The following DLG2 variants were observed in gnomAD, a reference collection of about 807,000 sequenced individuals.
The protein encoded by DLG2 is disks large homolog 2.
A neutral mutation model predicts 132.5 loss-of-function variants in DLG2; 45 were observed. That is an observed-to-expected ratio of 0.34 (90% CI 0.27 to 0.44). The LOEUF (loss-of-function observed/expected upper bound fraction) is 0.44. Among genes scored for constraint, DLG2 ranks in the 20% least tolerant of loss-of-function variants. The pLI is 1.00. For missense variants in DLG2, 1,045 were observed against 1,196.9 expected, an observed-to-expected ratio of 0.87 and a Z score of 1.87; for synonymous variants, 424 against 419.6, an observed-to-expected ratio of 1.01 and a Z score of -0.13.
intron 6 of DLG2, among the ~76,000 whole-genome samples, chr11:84,819,132 C>A (rs1166925202): frequency 7.2e-6 from 1 of 139,330 alleles, no homozygotes; most frequent in Non-Finnish European, 1.6e-5. Context: ...TTACAACAAT[C>A]TAGTAAAGGT....
intron 11 of DLG2, among the ~76,000 whole-genome samples, chr11:84,002,103 T>C (rs1341912213): frequency 6.6e-6 from 1 of 151,988 alleles, no homozygotes. Flanking sequence ...TAAAGAACAA[T>C]ATAAGGGTCA....
At chr11:85,058,271 TA>T (rs1196406251) in intron 6 of DLG2, among the ~76,000 whole-genome samples, 1 of 151,300 alleles carries the variant, frequency 6.6e-6, no homozygotes, top group Non-Finnish European at 1.5e-5. Flanking sequence ...AATTGAAAAA[TA>T]AAATTTAAAA....
At chr11:83,490,586 TA>T (rs1327220371) in intron 21 of DLG2, among the ~76,000 whole-genome samples, 1 of 151,882 alleles carries the variant, frequency 6.6e-6, no homozygotes, top group Non-Finnish European at 1.5e-5. Flanking sequence ...ATTTAATTAT[TA>T]AAAAGAGGGG....
At chr11:84,786,951 T>A (rs775440040) in intron 6 of DLG2, among the ~76,000 whole-genome samples, 6 of 152,146 alleles carry the variant, frequency 3.9e-5, no homozygotes, top group Non-Finnish European at 7.4e-5. Flanking sequence ...TGAAGAGTAA[T>A]GGCTTTGGTG....
chr11:84,409,124 T>G (rs1172374599), intron 7 of DLG2, among the ~76,000 whole-genome samples: 1 of 152,200 alleles, frequency 6.6e-6, no homozygotes, highest in African/African-American at 2.4e-5. Flanking sequence ...TTCCTTGCAC[T>G]TCCCCCCAAG....
At chr11:84,451,125 C>T (rs1014421164) in intron 7 of DLG2, among the ~76,000 whole-genome samples, 9 of 151,776 alleles carry the variant, frequency 5.9e-5, no homozygotes, top group Non-Finnish European at 1.2e-4. Flanking sequence ...GCCCAGGGGA[C>T]TTCAAGTTAT....
At chr11:85,596,487 G>A (rs1468293729) in intron 3 of DLG2, among the ~76,000 whole-genome samples, 3 of 152,180 alleles carry the variant, frequency 2.0e-5, no homozygotes, top group African/African-American at 7.2e-5. Flanking sequence ...ATGTTCTGCA[G>A]TAATGGTATT....
chr11:83,799,591 G>A (rs1296137807), intron 17 of DLG2, among the ~76,000 whole-genome samples: 1 of 152,172 alleles, frequency 6.6e-6, no homozygotes, highest in East Asian at 1.9e-4. Flanking sequence ...ACTTCTGGAA[G>A]CCAAACAGAG....
intron 3 of DLG2, among the ~76,000 whole-genome samples, chr11:85,486,004 A>G (rs543566526): frequency 5.9e-5 from 9 of 152,344 alleles, no homozygotes; most frequent in Non-Finnish European, 1.2e-4. Context: ...GGCTACTGTG[A>G]AACCAAAGAA....
chr11:85,154,305 G>A (rs965597325), intron 5 of DLG2, among the ~76,000 whole-genome samples: 3 of 152,138 alleles, frequency 2.0e-5, no homozygotes, highest in African/African-American at 7.2e-5. Flanking sequence ...AAATGACTGT[G>A]TGATAACCAG....
At chr11:84,313,103 C>T (rs375445150) in intron 7 of DLG2, among the ~76,000 whole-genome samples, 1 of 148,020 alleles carries the variant, frequency 6.8e-6, no homozygotes, top group African/African-American at 2.5e-5. Flanking sequence ...GTCACTGCAC[C>T]TGGCCAATTT....
chr11:84,176,392 T>G (rs895861349), intron 8 of DLG2, among the ~76,000 whole-genome samples: 6 of 149,672 alleles, frequency 4.0e-5, no homozygotes. Flanking sequence ...ATATAACATA[T>G]AAGCTTTACT....
chr11:83,946,007 T>C (rs183873860), intron 14 of DLG2, among the ~76,000 whole-genome samples: 4,168 of 148,040 alleles, frequency 0.028, 122 homozygotes, highest in East Asian at 0.13. Context: ...TTTTTTTTTT[T>C]TTGACAGAGT....
At chr11:85,138,109 T>TTTA (rs748091861) in intron 5 of DLG2, among the ~76,000 whole-genome samples, 21 of 152,186 alleles carry the variant, frequency 1.4e-4, no homozygotes, top group Non-Finnish European at 2.9e-4. Context: ...TTTTTAGTTT[T>TTTA]AACCCATCTT....
intron 3 of DLG2, among the ~76,000 whole-genome samples, chr11:85,541,871 G>A (rs2075997047): frequency 6.6e-6 from 1 of 152,080 alleles, no homozygotes; most frequent in Non-Finnish European, 1.5e-5. Context: ...AATGCCCAAG[G>A]AATTTAATTC....
chr11:84,363,457 G>A (rs1227998851), intron 7 of DLG2, among the ~76,000 whole-genome samples: 1 of 151,952 alleles, frequency 6.6e-6, no homozygotes, highest in Non-Finnish European at 1.5e-5. Flanking sequence ...CCATTTTCTG[G>A]GTTTCCTGTT....
chr11:83,669,821 A>C (rs911991462), intron 18 of DLG2, among the ~76,000 whole-genome samples: 1 of 152,358 alleles, frequency 6.6e-6, no homozygotes, highest in Non-Finnish European at 1.5e-5. Context: ...GCACTAAATG[A>C]ATACTTTCTA....
intron 6 of DLG2, among the ~76,000 whole-genome samples, chr11:84,827,242 C>T (rs1486201167): frequency 6.6e-6 from 1 of 151,622 alleles, no homozygotes; most frequent in Non-Finnish European, 1.5e-5. Context: ...TCTCTCACTA[C>T]ACCGTGTTCG....
At chr11:85,596,001 C>G (rs946129991) in intron 3 of DLG2, among the ~76,000 whole-genome samples, 123 of 152,104 alleles carry the variant, frequency 8.1e-4, no homozygotes, top group African/African-American at 2.9e-3. Context: ...GCCTATAATC[C>G]AAATACTTTG....
Sources: gnomAD v4.1 joint callset for allele counts (sites outside exome capture counted in the v4.1 genomes callset) on GRCh38, gnomAD v4.1.1 for gene constraint, MANE v1.5 for transcripts, NCBI Gene and HGNC (gene_info 2026-07-23, HGNC 2026-07-21) for gene names.